Variants in DCDC1 observed in about 807,000 individuals in gnomAD.
DCDC1 encodes doublecortin domain-containing protein 1.
DCDC1 carries 200 observed loss-of-function variants against 178.3 expected under a neutral mutation model. That is an observed-to-expected ratio of 1.12 (90% confidence interval 1.00 to 1.26). The LOEUF (loss-of-function observed/expected upper bound fraction) is 1.26. Among genes scored for constraint, DCDC1 ranks in the 50% most tolerant of loss-of-function variants. The pLI is 0.00. For synonymous variants in DCDC1, 690 were observed against 604.8 expected (o/e 1.14, Z -2.07); for missense variants, 1,983 against 1,749.2 (o/e 1.13, Z -2.38).
chr11:30,926,405 T>C (rs767695532), intron 22 of DCDC1, among the ~76,000 whole-genome samples: 4 of 152,120 alleles, frequency 2.6e-5, no homozygotes, highest in Non-Finnish European at 4.4e-5. Flanking sequence ...AGAGCAGATA[T>C]GTGGTGTTAT....
intron 9 of DCDC1, among the ~76,000 whole-genome samples, chr11:31,151,618 G>T (rs1283622534): frequency 6.6e-6 from 1 of 152,124 alleles, no homozygotes; most frequent in Non-Finnish European, 1.5e-5. Context: ...ACTCAGAGGT[G>T]CTGTTAACAG....
At chr11:31,175,599 C>T (rs1007772423) in intron 9 of DCDC1, among the ~76,000 whole-genome samples, 2 of 152,240 alleles carry the variant, frequency 1.3e-5, no homozygotes, top group African/African-American at 4.8e-5. Context: ...CACACTCATG[C>T]ACACCTGTGT....
At chr11:31,255,395 C>CA (rs1305792154) in intron 8 of DCDC1, among the ~76,000 whole-genome samples, 1 of 152,164 alleles carries the variant, frequency 6.6e-6, no homozygotes, top group Non-Finnish European at 1.5e-5. Flanking sequence ...AAAGTGGCTG[C>CA]ACCATTATCC....
At chr11:31,180,909 T>A (rs1330819847) in intron 9 of DCDC1, among the ~76,000 whole-genome samples, 3 of 151,588 alleles carry the variant, frequency 2.0e-5, no homozygotes, top group Non-Finnish European at 1.5e-5. Flanking sequence ...GGGAGACAAG[T>A]GGTCTAGCTC....
At chr11:31,266,969 G>A (rs1945206566) in intron 7 of DCDC1, among the ~76,000 whole-genome samples, 1 of 152,060 alleles carries the variant, frequency 6.6e-6, no homozygotes, top group Non-Finnish European at 1.5e-5. Context: ...TCTTTCTTGG[G>A]CTGTATGTAC....
intron 9 of DCDC1, among the ~76,000 whole-genome samples, chr11:31,153,640 G>C (rs1463657969): frequency 6.6e-6 from 1 of 151,922 alleles, no homozygotes; most frequent in Non-Finnish European, 1.5e-5. Context: ...AAAATCAGCC[G>C]GGCATGGTGG....
intron 20 of DCDC1, among the ~76,000 whole-genome samples, chr11:30,968,340 A>G (rs775733798): frequency 3.9e-5 from 6 of 152,128 alleles, no homozygotes; most frequent in Non-Finnish European, 7.3e-5. Context: ...TACTCAATGA[A>G]TGAATAAGTT....
At chr11:31,249,541 T>C (rs1265178961) in intron 8 of DCDC1, among the ~76,000 whole-genome samples, 2 of 152,110 alleles carry the variant, frequency 1.3e-5, no homozygotes, top group Non-Finnish European at 2.9e-5. Flanking sequence ...GAGGACCATG[T>C]CTAAGAAACC....
At chr11:31,311,339 G>C (rs1948762319) in intron 3 of DCDC1, among the ~76,000 whole-genome samples, 1 of 152,132 alleles carries the variant, frequency 6.6e-6, no homozygotes, top group South Asian at 2.1e-4. Context: ...TGGGCTGTCA[G>C]TGCCTTCCAA....
At chr11:31,169,377 A>C (rs1966927213) in intron 9 of DCDC1, among the ~76,000 whole-genome samples, 1 of 152,236 alleles carries the variant, frequency 6.6e-6, no homozygotes, top group South Asian at 2.1e-4. Flanking sequence ...AGTAAGAATA[A>C]AATAAGTTTT....
chr11:30,983,708 C>T (rs939189075), intron 20 of DCDC1, among the ~76,000 whole-genome samples: 4 of 152,148 alleles, frequency 2.6e-5, no homozygotes, highest in Non-Finnish European at 5.9e-5. Context: ...TTGCTATTTT[C>T]AAGGAAAGCT....
At chr11:31,122,374 A>C (rs11031294) in intron 11 of DCDC1, among the ~76,000 whole-genome samples, 13,792 of 152,136 alleles carry the variant, frequency 0.091, 1,712 homozygotes, top group African/African-American at 0.28. Flanking sequence ...TATGATTGTC[A>C]GTCCTGCCTA....
intron 1 of DCDC1, among the ~76,000 whole-genome samples, chr11:31,356,915 C>A (rs927105857): frequency 3.3e-5 from 5 of 152,098 alleles, no homozygotes; most frequent in African/African-American, 1.2e-4. Flanking sequence ...AATAGACCAA[C>A]AACAGGAGCT....
At chr11:31,192,392 T>G (rs913397040) in intron 9 of DCDC1, among the ~76,000 whole-genome samples, 1 of 152,098 alleles carries the variant, frequency 6.6e-6, no homozygotes, top group African/African-American at 2.4e-5. Flanking sequence ...GTCCCACCAT[T>G]TCTCTTCATT....
chr11:31,136,464 T>A (rs1361236521), intron 10 of DCDC1, among the ~76,000 whole-genome samples: 1 of 152,090 alleles, frequency 6.6e-6, no homozygotes, highest in Non-Finnish European at 1.5e-5. Context: ...AATGTAAGAA[T>A]AGAATTTACA....
chr11:31,046,997 C>T lies in DCDC1; in HGVS notation c.2591+17472G>A, dbSNP rs76955825. ...CAACTATCCTTCTTCTGGTTCCAGA[C>T]CCTTCTCTTCCACAATGTCTTCCAA... On this transcript the variant is annotated intron_variant, in intron 20 of 38. Coordinates refer to ENST00000684477, the MANE Select transcript of DCDC1 (RefSeq NM_001387274.1). Among the ~76,000 whole-genome samples the T allele has an allele frequency of 1.7e-3, 252 of 152,212 alleles. 1 individual carries two copies. The East Asian group carries it at 0.028, about 17-fold the overall frequency.
chr11:31,367,658 T>C (rs1952029802), intron 1 of DCDC1, among the ~76,000 whole-genome samples: 1 of 152,190 alleles, frequency 6.6e-6, no homozygotes. Flanking sequence ...AATTGAGGTG[T>C]GTTCGGGCAC....
intron 9 of DCDC1, among the ~76,000 whole-genome samples, chr11:31,212,771 C>T (rs1555121951): frequency 2.6e-5 from 4 of 151,858 alleles, no homozygotes; most frequent in Admixed American, 1.3e-4. Context: ...GTATTTTTTT[C>T]AGTAATTCTA....
intron 20 of DCDC1, among the ~76,000 whole-genome samples, chr11:30,989,792 G>T (rs1003932843): frequency 1.3e-5 from 2 of 152,084 alleles, no homozygotes; most frequent in African/African-American, 4.8e-5. Context: ...TTTAAAAGAT[G>T]AATGCTGTGG....
Sources: allele counts gnomAD v4.1 joint callset (sites outside exome capture counted in the v4.1 genomes callset), GRCh38; gene constraint gnomAD v4.1.1; transcripts MANE v1.5; gene names NCBI Gene and HGNC (gene_info 2026-07-23, HGNC 2026-07-21).